Variants in HTR3C observed in about 807,000 individuals in gnomAD.
The protein encoded by HTR3C is 5-hydroxytryptamine receptor 3C.
HTR3C carries 32 observed loss-of-function variants against 40.5 expected under a neutral mutation model. The observed-to-expected ratio is 0.79, with a 90% confidence interval of 0.60 to 1.06. The LOEUF is 1.06. HTR3C is among the 50% of genes least tolerant of loss of function. HTR3C has a pLI of 0.00. For synonymous variants in HTR3C, 209 were observed against 217.1 expected (o/e 0.96, Z 0.33); for missense variants, 523 against 556.8 (o/e 0.94, Z 0.61).
chr3:184,059,407 A>G (rs879677025), intron 6 of HTR3C, 29 bp from the exon 7 acceptor site: 6 of 1,600,802 alleles, frequency 3.7e-6, no homozygotes, highest in Non-Finnish European at 4.3e-6. Flanking sequence ...ACATCTATTT[A>G]TTTGCCATCT....
At chr3:184,058,068 A>G (rs1350905903) in intron 5 of HTR3C, among the ~76,000 whole-genome samples, 5 of 152,208 alleles carry the variant, frequency 3.3e-5, no homozygotes, top group African/African-American at 1.2e-4. Context: ...GCATGCCTAT[A>G]ATTATTAAAA....
intron 6 of HTR3C, 87 bp downstream of exon 6, chr3:184,058,674 G>T: frequency 6.7e-7 from 1 of 1,485,374 alleles, no homozygotes; most frequent in East Asian, 2.4e-5. Context: ...AAGCAAAAAA[G>T]AAGCTCCAGG....
Position 184,055,318 on chromosome 3 carries a change from CA to C in HTR3C, c.242del (p.Gln81ArgfsTer5). 6 of 1,609,368 alleles carry C rather than the reference CA, an allele frequency of 3.7e-6. No individual in the cohort carries two copies. Among genetic ancestry groups the C allele is most frequent in the Non-Finnish European group, 5.1e-6 (6 of 1,175,676 alleles). On this transcript the variant is annotated frameshift_variant, in exon 3 of 9. Transcript: ENST00000318351. LOFTEE classifies it high-confidence loss of function. ...GTGGAAATTTCCTTGTCAGGATGCA[CA>C]GCTCCAGCTGCTGACATCATTCCTG... ...TLSAILGVDA[Q>X]LQLLTSFLWM...
chr3:184,060,348 C>T lies in HTR3C; in HGVS notation c.1340C>T (p.Thr447Ile), dbSNP rs1207921477. ...SILTVIVLWN[T>I] ...CTTACTGTCATTGTCCTCTGGAACA[C>T]CTAGGCAGACATCCCCCCTCTCTGG... The change falls in exon 9 of 9, where the codon ACC becomes ATC. Residue 447 changes from threonine to isoleucine, a missense_variant. Physicochemically the swap from Thr to Ile is moderately conservative, Grantham distance 89. Coordinates refer to ENST00000318351, the MANE Select transcript of HTR3C (RefSeq NM_130770.3). 1.9e-6 allele frequency: 3 copies of T among 1,614,066 alleles called. No homozygotes were observed. Among genetic ancestry groups the T allele is most frequent in the Middle Eastern group, 1.6e-4 (1 of 6,084 alleles).
chr3:184,054,752 A>G lies in HTR3C; in HGVS notation c.99A>G (p.Ser33=), dbSNP rs376500343. The stretch of plus-strand genomic sequence containing the variant: ...GCGACGCTTTTACCATCAATTGCTC[A>G]GGCTTTGACCAGCATGGGGTTGACC... ...GRGDAFTINC[S]GFDQHGVDPA... is the part of the protein sequence containing the mutation. The change falls in exon 2 of 9, where the codon TCA becomes TCG. Residue 33 remains serine, a synonymous_variant. Coordinates refer to ENST00000318351, the MANE Select transcript of HTR3C (RefSeq NM_130770.3). The G allele has an allele frequency of 5.9e-5, 95 of 1,606,486 alleles. No homozygotes were observed. The highest frequency in any genetic ancestry group is 5.7e-5 in the Non-Finnish European group (67 of 1,177,390).
intron 6 of HTR3C, 88 bp from the exon 7 acceptor site, chr3:184,059,348 C>T (rs1431909564): frequency 3.3e-6 from 4 of 1,221,720 alleles, no homozygotes; most frequent in East Asian, 2.4e-5. Flanking sequence ...AGCAGCCTCA[C>T]AGCACATTGG....
rs1277469656 is a variant in HTR3C, at chr3:184,056,989, C to T, written c.504C>T (p.Tyr168=). The T allele has an allele frequency of 6.2e-7, 1 of 1,613,718 alleles. No homozygotes were observed. Among genetic ancestry groups the T allele is most frequent in the Admixed American group, 1.7e-5 (1 of 60,014 alleles). The change falls in exon 5 of 9, where the codon TAC becomes TAT. Residue 168 remains tyrosine (Y), a synonymous_variant. Transcript: ENST00000318351. ...GCATCTGTAACCTGGACATCTTCTACTTCCCTTTTGACCAACAGAACTGTA... is the reference window on the plus strand; with the variant it reads ...GCATCTGTAACCTGGACATCTTCTATTTCCCTTTTGACCAACAGAACTGTA... ...VTSICNLDIF[Y]FPFDQQNCTF... is the part of the protein sequence containing the mutation.
Position 184,060,524 on chromosome 3 carries a change from C to A in HTR3C, c.*172C>A. On this transcript the variant is annotated 3_prime_UTR_variant, in exon 9 of 9. Coordinates refer to ENST00000318351, the MANE Select transcript of HTR3C (RefSeq NM_130770.3). Reference sequence around the variant, plus strand: ...CAAGCAGGTTCGGGACAGCCCTGGACGATTTCCCGACCGCTGCTCAGGCTG... The same window carrying A: ...CAAGCAGGTTCGGGACAGCCCTGGAAGATTTCCCGACCGCTGCTCAGGCTG... 1.3e-6 allele frequency: 1 copy of A among 778,108 alleles called. No individual in the cohort carries two copies. Among genetic ancestry groups the A allele is most frequent in the East Asian group, 2.7e-5 (1 of 37,330 alleles). The allele number at this position is 778,108 out of a possible 1,614,324, so 48.2% of individuals were successfully genotyped here.
At chr3:184,054,924 A>T in intron 2 of HTR3C, 37 bp downstream of exon 2, 24 of 1,566,042 alleles carry the variant, frequency 1.5e-5, no homozygotes, top group Non-Finnish European at 2.0e-5. Flanking sequence ...CATGGCTTCT[A>T]ATAAGGAACG....
intron 4 of HTR3C, among the ~76,000 whole-genome samples, chr3:184,056,611 G>T (rs946072057): frequency 6.6e-6 from 1 of 152,182 alleles, no homozygotes; most frequent in East Asian, 1.9e-4. Context: ...GCCAGGTGTG[G>T]TGGCACATCC....
Position 184,057,016 on chromosome 3 carries a change from C to A in HTR3C, c.531C>A (p.Thr177=), listed in dbSNP as rs753598113. 13 of 1,612,586 alleles carry A rather than the reference C, an allele frequency of 8.1e-6. No homozygotes were observed. Among genetic ancestry groups the A allele is most frequent in the Non-Finnish European group, 1.1e-5 (13 of 1,178,966 alleles). The change falls in exon 5 of 9, where the codon ACC becomes ACA. Residue 177 remains threonine (T), a synonymous_variant. Transcript: ENST00000318351. ...TCCCTTTTGACCAACAGAACTGTACCTTCACCTTCAGTTCTTTCCTCTACA... is the reference window on the plus strand; with the variant it reads ...TCCCTTTTGACCAACAGAACTGTACATTCACCTTCAGTTCTTTCCTCTACA... ...FYFPFDQQNC[T]FTFSSFLYTV...
Position 184,060,131 on chromosome 3 carries a change from G to A in HTR3C, c.1142-19G>A, listed in dbSNP as rs6807271. On this transcript the variant is annotated intron_variant, in intron 8 of 8. Coordinates refer to ENST00000318351, the MANE Select transcript of HTR3C (RefSeq NM_130770.3). ...TGTCCCCTTCCCACTCCATGACTGA[G>A]CCTCTGTCCTCTCCACAGGCCCAAA... 853,834 of 1,609,086 alleles carry A rather than the reference G, an allele frequency of 0.53. 229,037 individuals carry two copies. Among genetic ancestry groups the A allele is most frequent in the East Asian group, 0.73 (32,555 of 44,690 alleles).
At position 184,055,348 on chromosome 3, in the gene HTR3C, A is replaced by T; in HGVS notation, c.271A>T (p.Met91Leu). ...CCAGCTGCTGACATCATTCCTGTGG[A>T]TGGATTTGGTAAGGCAGATTCAACT... ...QLQLLTSFLWMDLVWDNPFIN... is the reference protein window; with the variant it reads ...QLQLLTSFLWLDLVWDNPFIN... The change falls in exon 3 of 9, where the codon ATG (methionine) becomes TTG (leucine). Residue 91 changes from methionine to leucine, a missense_variant. Physicochemically the swap from Met to Leu is conservative, Grantham distance 15 (BLOSUM62 2). Transcript: ENST00000318351. 1 of 1,606,460 alleles carries T rather than the reference A, an allele frequency of 6.2e-7. No homozygotes were observed. The highest frequency in any genetic ancestry group is 8.5e-7 in the Non-Finnish European group (1 of 1,173,044).
chr3:184,056,041 G>A, intron 3 of HTR3C, 136 bp from the exon 4 acceptor site: 2 of 618,306 alleles, frequency 3.2e-6, no homozygotes, highest in Non-Finnish European at 5.8e-6. Context: ...ATCAAGAATG[G>A]GGGGATAGGC....
rs998763272 is a variant in HTR3C at position 184,060,544 on chromosome 3, A to G, written c.*192A>G. 4.4e-6 allele frequency: 3 copies of G among 674,826 alleles called. No individual in the cohort carries two copies. The highest frequency in any genetic ancestry group is 1.8e-5 in the African/African-American group (1 of 55,542). The allele number at this position is 674,826 out of a possible 1,614,324, so 41.8% of individuals were successfully genotyped here. On this transcript the variant is annotated 3_prime_UTR_variant, in exon 9 of 9. Coordinates refer to ENST00000318351, the MANE Select transcript of HTR3C (RefSeq NM_130770.3). ...CTGGACGATTTCCCGACCGCTGCTC[A>G]GGCTGCTCATTCCTGCTCACCCTCA... is the stretch of plus-strand genomic sequence containing the variant.
In HTR3C at chr3:184,054,730, A is replaced by G. The variant is rs140690227; in HGVS notation, c.77A>G (p.Asp26Gly). 1.4e-4 allele frequency: 220 copies of G among 1,596,204 alleles called. No individual in the cohort carries two copies. Among genetic ancestry groups the G allele is most frequent in the Middle Eastern group, 3.3e-4 (2 of 5,986 alleles). The change falls in exon 2 of 9, where the codon GAC (aspartate) becomes GGC (glycine). Residue 26 changes from aspartate to glycine, a missense_variant. By Grantham distance (94) the Asp-to-Gly change is moderately conservative (BLOSUM62 -1). Coordinates refer to ENST00000318351, the MANE Select transcript of HTR3C (RefSeq NM_130770.3). ...TCTCTGCTCTCTATAGGAAGAGGCG[A>G]CGCTTTTACCATCAATTGCTCAGGC... Reference protein sequence around the residue: ...TVSLLLQGRGDAFTINCSGFD... With the variant: ...TVSLLLQGRGGAFTINCSGFD...
chr3:184,054,687 A>G (rs372614901), intron 1 of HTR3C, 34 bp from the exon 2 acceptor site: 5 of 1,503,020 alleles, frequency 3.3e-6, no homozygotes, highest in Non-Finnish European at 4.4e-6. Context: ...CTGGAAATAG[A>G]GTCCCTCTCT....
intron 1 of HTR3C, among the ~76,000 whole-genome samples, 193 bp downstream of exon 1, chr3:184,053,340 G>A (rs1181689068): frequency 6.6e-6 from 1 of 152,180 alleles, no homozygotes; most frequent in Non-Finnish European, 1.5e-5. Flanking sequence ...CTCTGTTCCT[G>A]CCTGCACAGG....
chr3:184,057,088 A>G (rs1723344255), intron 5 of HTR3C, 44 bp downstream of exon 5: 2 of 1,237,020 alleles, frequency 1.6e-6, no homozygotes, highest in Non-Finnish European at 2.3e-6. Flanking sequence ...TTCAGGGAAG[A>G]CATTTGAGTG....
Sources: allele counts gnomAD v4.1 joint callset (sites outside exome capture counted in the v4.1 genomes callset), GRCh38; gene constraint gnomAD v4.1.1; transcripts MANE v1.5; gene names NCBI Gene and HGNC (gene_info 2026-07-23, HGNC 2026-07-21).